CAP2: variants seen among roughly 807,000 people sequenced by gnomAD.
CAP2 encodes cyclase associated actin cytoskeleton regulatory protein 2, also known as adenylyl cyclase-associated protein 2.
In CAP2, 24 loss-of-function variants were observed where a neutral mutation model predicts 57.7. The ratio of observed to expected loss-of-function variants is 0.42; its 90% CI spans 0.30 to 0.58. CAP2 has a LOEUF of 0.58. CAP2 is among the 20% of genes least tolerant of loss of function. The probability of loss-of-function intolerance (pLI) is 0.22; values close to 1 mark genes in which losing one functional copy is unlikely to be tolerated. For missense variants in CAP2, 501 were observed against 590.3 expected, an observed-to-expected ratio of 0.85 and a Z score of 1.57; for synonymous variants, 194 against 207.2, an observed-to-expected ratio of 0.94 and a Z score of 0.55.
rs994219017 is a variant in CAP2 at position 17,393,603 on chromosome 6, C to G, written c.-145C>G. ...CTCCGGAAGCTGCCGGCGACTCTCC[C>G]CTGGAGCAGCGTGACTGACACCGGC... On this transcript the variant is annotated 5_prime_UTR_variant, in exon 1 of 13. Coordinates refer to ENST00000229922, the MANE Select transcript of CAP2 (RefSeq NM_006366.3). 6.6e-6 allele frequency: 1 copy of G among 152,284 alleles called. No individual in the cohort carries two copies. The highest frequency in any genetic ancestry group is 2.4e-5 in the African/African-American group (1 of 41,440). 9.4% of individuals were successfully genotyped at this position (152,284 alleles called of 1,614,324 possible). A position where few individuals can be genotyped will look rare whatever the true frequency, so the allele number is the denominator to read the frequency against.
chr6:17,538,114 T>A (rs1200712200), intron 7 of CAP2, among the ~76,000 whole-genome samples: 1 of 151,840 alleles, frequency 6.6e-6, no homozygotes, highest in East Asian at 1.9e-4. Context: ...TTGTGGTATA[T>A]GTGTGTTTCT....
chr6:17,477,159 C>A (rs1355859484), intron 4 of CAP2, among the ~76,000 whole-genome samples: 1 of 152,140 alleles, frequency 6.6e-6, no homozygotes, highest in Non-Finnish European at 1.5e-5. Context: ...CAGGCGTGAG[C>A]CACCGTGCCC....
At chr6:17,438,083 G>T (rs1209640775) in intron 3 of CAP2, among the ~76,000 whole-genome samples, 1 of 146,156 alleles carries the variant, frequency 6.8e-6, no homozygotes, top group Non-Finnish European at 1.5e-5. Context: ...TTATAACATT[G>T]CTGGCCAGGC....
rs1411483533 is a variant in CAP2 at position 17,551,388 on chromosome 6, T to A, written c.1210-76T>A. 1.1e-5 allele frequency: 13 copies of A among 1,210,272 alleles called. No individual in the cohort carries two copies. In the African/African-American group the frequency reaches 1.5e-4, roughly 14 times the overall value. 75.0% of individuals were successfully genotyped at this position (1,210,272 alleles called of 1,614,324 possible). ...AAGCCCAAGCTAAAGCCAAGAGGAATTGAGATTGTATTTATTCGAGGGCAT... is the reference window on the plus strand; with the variant it reads ...AAGCCCAAGCTAAAGCCAAGAGGAAATGAGATTGTATTTATTCGAGGGCAT... On this transcript the variant is annotated intron_variant, in intron 11 of 12. Coordinates refer to ENST00000229922, the MANE Select transcript of CAP2 (RefSeq NM_006366.3).
At chr6:17,482,382 G>A (rs369278247) in intron 4 of CAP2, among the ~76,000 whole-genome samples, 74 of 151,976 alleles carry the variant, frequency 4.9e-4, no homozygotes, top group Non-Finnish European at 8.7e-4. Flanking sequence ...GGTGGCGTGC[G>A]CCTGTAGTCC....
intron 1 of CAP2, among the ~76,000 whole-genome samples, chr6:17,408,737 T>C (rs1759057589): frequency 7.0e-6 from 1 of 143,576 alleles, no homozygotes; most frequent in South Asian, 2.3e-4. Context: ...CTCTACTCAC[T>C]GCAAGCTCTG....
chr6:17,551,948 T>C (rs1226919338), intron 12 of CAP2, among the ~76,000 whole-genome samples: 8 of 152,160 alleles, frequency 5.3e-5, no homozygotes, highest in Non-Finnish European at 1.2e-4. Flanking sequence ...AAATAAATAC[T>C]TAGGGGAAAA....
chr6:17,448,495 G>T (rs946767479), intron 3 of CAP2, among the ~76,000 whole-genome samples: 2 of 152,172 alleles, frequency 1.3e-5, no homozygotes, highest in Non-Finnish European at 2.9e-5. Context: ...TGTCAGAAAA[G>T]CAAATGGATT....
chr6:17,420,974 G>A (rs746530978), intron 1 of CAP2, among the ~76,000 whole-genome samples: 20 of 147,054 alleles, frequency 1.4e-4, no homozygotes, highest in African/African-American at 5.5e-4. Context: ...GCAAAGATAC[G>A]GAACCAACGT....
At chr6:17,514,674 G>A (rs747580254) in intron 7 of CAP2, among the ~76,000 whole-genome samples, 10 of 150,542 alleles carry the variant, frequency 6.6e-5, no homozygotes, top group South Asian at 4.2e-4. Context: ...CACTTAACTC[G>A]GGAGGCAGAC....
chr6:17,396,306 A>G (rs1045267098), intron 1 of CAP2, among the ~76,000 whole-genome samples: 1 of 152,208 alleles, frequency 6.6e-6, no homozygotes, highest in South Asian at 2.1e-4. Flanking sequence ...ATATATGTCC[A>G]AGAGAAATTA....
intron 7 of CAP2, among the ~76,000 whole-genome samples, chr6:17,529,008 G>A (rs946912090): frequency 1.3e-5 from 2 of 151,758 alleles, no homozygotes; most frequent in Non-Finnish European, 2.9e-5. Flanking sequence ...TTAAGCCCAG[G>A]AGTTTGAAAC....
intron 6 of CAP2, among the ~76,000 whole-genome samples, chr6:17,512,546 A>C (rs1304387489): frequency 6.6e-6 from 1 of 152,236 alleles, no homozygotes; most frequent in Non-Finnish European, 1.5e-5. Context: ...TGCTCTAATA[A>C]TAGCTATGTG....
chr6:17,483,431 G>A (rs778942289), intron 4 of CAP2, among the ~76,000 whole-genome samples: 1 of 152,080 alleles, frequency 6.6e-6, no homozygotes, highest in African/African-American at 2.4e-5. Flanking sequence ...TAGAACTGAC[G>A]TAAAAATGAA....
chr6:17,488,972 A>C (rs1411239759), intron 4 of CAP2, among the ~76,000 whole-genome samples: 1 of 152,172 alleles, frequency 6.6e-6, no homozygotes, highest in Admixed American at 6.5e-5. Context: ...TGGAAACTCC[A>C]CTGTGCTGAG....
rs544566542 is a variant in CAP2, at chr6:17,542,985, G to T, written c.1126+25G>T. On this transcript the variant is annotated intron_variant, in intron 10 of 12. Transcript: ENST00000229922. ...GGTAGGGCAGAATTATGGCTCTATG[G>T]TTATTATGATGTTTTATAAACAAGC... 5.6e-6 allele frequency: 9 copies of T among 1,613,196 alleles called. No individual in the cohort carries two copies. The South Asian group carries it at 7.7e-5, about 14-fold the overall frequency.
intron 3 of CAP2, among the ~76,000 whole-genome samples, chr6:17,438,554 T>C (rs2113558768): frequency 7.3e-6 from 1 of 137,546 alleles, no homozygotes; most frequent in South Asian, 2.6e-4. Context: ...TTCTCCTGTC[T>C]CAGCCTCCTG....
At chr6:17,508,625 C>A (rs1762052398) in intron 6 of CAP2, among the ~76,000 whole-genome samples, 1 of 152,096 alleles carries the variant, frequency 6.6e-6, no homozygotes, top group African/African-American at 2.4e-5. Flanking sequence ...TCTTAGATGG[C>A]AGCAACAGAA....
rs2113667022 is a variant in CAP2, at chr6:17,513,507, A to G, written c.531-342A>G. ...CATCAGAAGCAGTGCAGAAAGAAACAGTCTCCCCTCCACGCCCCCGTCACG... is the reference window on the plus strand; with the variant it reads ...CATCAGAAGCAGTGCAGAAAGAAACGGTCTCCCCTCCACGCCCCCGTCACG... On this transcript the variant is annotated intron_variant, in intron 6 of 12. Coordinates refer to ENST00000229922, the MANE Select transcript of CAP2 (RefSeq NM_006366.3). The surrounding 1 kb of genome is among the most constrained non-coding windows in gnomAD (Gnocchi z 4.3). Among the ~76,000 whole-genome samples, 1 of 152,220 alleles carries G rather than the reference A, an allele frequency of 6.6e-6. No homozygotes were observed. Among genetic ancestry groups the G allele is most frequent in the South Asian group, 2.1e-4 (1 of 4,818 alleles).
Sources: gnomAD v4.1 joint callset for allele counts (sites outside exome capture counted in the v4.1 genomes callset) on GRCh38, gnomAD v4.1.1 for gene constraint, Gnocchi (gnomAD v3.1) non-coding constraint, MANE v1.5 for transcripts, NCBI Gene and HGNC (gene_info 2026-07-23, HGNC 2026-07-21) for gene names.